The following HECTD2 variants were observed in gnomAD, a reference collection of about 807,000 sequenced individuals.
The protein encoded by HECTD2 is probable E3 ubiquitin-protein ligase HECTD2.
Under a neutral mutation model 103.2 loss-of-function variants are expected in HECTD2, and 35 were observed. The ratio of observed to expected loss-of-function variants is 0.34; its 90% CI spans 0.26 to 0.45. The LOEUF (loss-of-function observed/expected upper bound fraction) is 0.45. HECTD2 is among the 20% of genes least tolerant of loss of function. HECTD2 has a pLI of 1.00. For synonymous variants in HECTD2, 281 were observed against 329.9 expected (o/e 0.85, Z 1.61); for missense variants, 596 against 937.4 (o/e 0.64, Z 4.76).
intron 3 of HECTD2, 126 bp from the exon 4 acceptor site, chr10:91,461,128 C>A: frequency 4.0e-6 from 2 of 499,814 alleles, no homozygotes; most frequent in Non-Finnish European, 7.1e-6. Flanking sequence ...ACTATATTAA[C>A]TGGGACATAT....
At chr10:91,498,222 T>G in intron 16 of HECTD2, 40 bp downstream of exon 16, 53 of 1,307,058 alleles carry the variant, frequency 4.1e-5, no homozygotes, top group Non-Finnish European at 5.0e-5. Flanking sequence ...AATCATATAT[T>G]TCATATATGA....
chr10:91,427,728 A>T (rs1843631105), intron 2 of HECTD2, among the ~76,000 whole-genome samples: 1 of 151,842 alleles, frequency 6.6e-6, no homozygotes, highest in Non-Finnish European at 1.5e-5. Context: ...GTTTGAGTTC[A>T]TTGTAGATTC....
intron 20 of HECTD2, among the ~76,000 whole-genome samples, chr10:91,501,580 G>C (rs989954180): frequency 6.6e-6 from 1 of 152,014 alleles, no homozygotes; most frequent in Non-Finnish European, 1.5e-5. Flanking sequence ...TAAGTGCTTT[G>C]TAGACTCTTT....
chr10:91,453,998 T>C (rs1160748788), intron 2 of HECTD2, among the ~76,000 whole-genome samples: 1 of 152,062 alleles, frequency 6.6e-6, no homozygotes, highest in Non-Finnish European at 1.5e-5. Context: ...ATCACAAGTG[T>C]GTACGCACCA....
At chr10:91,454,677 G>A (rs1004072029) in intron 2 of HECTD2, among the ~76,000 whole-genome samples, 5 of 151,756 alleles carry the variant, frequency 3.3e-5, no homozygotes, top group South Asian at 4.2e-4. Flanking sequence ...CCATTAACTC[G>A]TCATTTACAT....
intron 1 of HECTD2, among the ~76,000 whole-genome samples, chr10:91,414,485 G>T (rs1039377777): frequency 6.6e-6 from 1 of 152,148 alleles, no homozygotes; most frequent in African/African-American, 2.4e-5. Context: ...TACAAAAAAT[G>T]CAAAAAGACA....
At chr10:91,433,949 T>C (rs1448011270) in intron 2 of HECTD2, among the ~76,000 whole-genome samples, 2 of 152,046 alleles carry the variant, frequency 1.3e-5, no homozygotes, top group African/African-American at 2.4e-5. Flanking sequence ...TTAAGACATC[T>C]GTTTCACTAA....
rs1847466076 is a variant in HECTD2, at chr10:91,512,599, A to G, written c.*215A>G. On this transcript the variant is annotated 3_prime_UTR_variant, in exon 21 of 21. Coordinates refer to ENST00000298068, the MANE Select transcript of HECTD2 (RefSeq NM_182765.6). ...ATCGCTTGAGTGAGGAAAAGTCCACATGGCAGAGACAGGTATGGTCCAGTT... is the reference window on the plus strand; with the variant it reads ...ATCGCTTGAGTGAGGAAAAGTCCACGTGGCAGAGACAGGTATGGTCCAGTT... 8.0e-6 allele frequency: 4 copies of G among 497,626 alleles called. No individual in the cohort carries two copies. The highest frequency in any genetic ancestry group is 1.4e-5 in the Non-Finnish European group (4 of 279,444). 30.8% of individuals were successfully genotyped at this position (497,626 alleles called of 1,614,324 possible).
At chr10:91,479,906 C>A (rs965810444) in intron 6 of HECTD2, among the ~76,000 whole-genome samples, 8 of 152,030 alleles carry the variant, frequency 5.3e-5, no homozygotes, top group Admixed American at 3.9e-4. Flanking sequence ...AACATTTTAT[C>A]ATTTGTTGCT....
At chr10:91,491,404 A>G (rs774926911) in intron 12 of HECTD2, 97 bp downstream of exon 12, 26 of 583,930 alleles carry the variant, frequency 4.5e-5, no homozygotes, top group East Asian at 1.0e-4. Flanking sequence ...CTGTATGCCA[A>G]TAAGTGTGCT....
chr10:91,425,732 C>T (rs1170741724), intron 2 of HECTD2, among the ~76,000 whole-genome samples: 18 of 150,690 alleles, frequency 1.2e-4, no homozygotes. Context: ...CATATTTGAG[C>T]AATAATCAAT....
At position 91,473,722 on chromosome 10, in the gene HECTD2, C is replaced by T. The variant is rs529756800; in HGVS notation, c.601-4479C>T. On this transcript the variant is annotated intron_variant, in intron 5 of 20. Transcript: ENST00000298068. ...TTAATAAACAGTAGATATATTTTCTCGTGATTTTCTTAATAACATTATCTT... is the reference window on the plus strand; with the variant it reads ...TTAATAAACAGTAGATATATTTTCTTGTGATTTTCTTAATAACATTATCTT... Among the ~76,000 whole-genome samples, 31 of 152,210 alleles carry T rather than the reference C, an allele frequency of 2.0e-4. No homozygotes were observed. In the East Asian group the frequency reaches 3.7e-3, roughly 18 times the overall value.
Position 91,512,556 on chromosome 10 carries a change from C to A in HECTD2, c.*172C>A. 1 of 593,638 alleles carries A rather than the reference C, an allele frequency of 1.7e-6. No individual in the cohort carries two copies. Among genetic ancestry groups the A allele is most frequent in the Non-Finnish European group, 2.8e-6 (1 of 354,854 alleles). 36.8% of individuals were successfully genotyped at this position (593,638 alleles called of 1,614,324 possible). On this transcript the variant is annotated 3_prime_UTR_variant, in exon 21 of 21. Coordinates refer to ENST00000298068, the MANE Select transcript of HECTD2 (RefSeq NM_182765.6). The stretch of plus-strand genomic sequence containing the variant: ...GTATGTTCAGCAAAGGCATAATTTT[C>A]TAAAAACACACACAGAAATCGCTTG...
intron 2 of HECTD2, among the ~76,000 whole-genome samples, chr10:91,430,843 T>C (rs1052982932): frequency 3.3e-5 from 5 of 151,676 alleles, no homozygotes; most frequent in Non-Finnish European, 7.4e-5. Context: ...AGTTTGCCAG[T>C]CTGTGTGTTT....
At chr10:91,428,901 C>A (rs1843703274) in intron 2 of HECTD2, among the ~76,000 whole-genome samples, 1 of 151,898 alleles carries the variant, frequency 6.6e-6, no homozygotes, top group South Asian at 2.1e-4. Context: ...CTGGCCAGAA[C>A]TTCCAACACT....
chr10:91,510,249 T>C (rs1448186873), intron 20 of HECTD2, among the ~76,000 whole-genome samples: 2 of 152,224 alleles, frequency 1.3e-5, no homozygotes, highest in East Asian at 1.9e-4. Context: ...CCTGATTCTT[T>C]AGTACAGAGT....
chr10:91,443,575 G>A (rs575622839), intron 2 of HECTD2, among the ~76,000 whole-genome samples: 4 of 152,190 alleles, frequency 2.6e-5, no homozygotes, highest in East Asian at 1.9e-4. Context: ...CCCACTTGAG[G>A]AGGCAGTCTG....
chr10:91,489,719 C>T (rs1378629155), intron 11 of HECTD2: 1 of 152,114 alleles, frequency 6.6e-6, no homozygotes, highest in Non-Finnish European at 1.5e-5. Flanking sequence ...AGTGAGGACA[C>T]AGAAATAAAA....
In HECTD2 at chr10:91,492,450, T is replaced by G; in HGVS notation, c.1398T>G (p.Leu466=). 6.2e-7 allele frequency: 1 copy of G among 1,612,590 alleles called. No homozygotes were observed. Among genetic ancestry groups the G allele is most frequent in the Non-Finnish European group, 8.5e-7 (1 of 1,178,820 alleles). Residue 466 remains leucine, a synonymous_variant, in exon 13 of 21, where the codon CTT becomes CTG. Transcript: ENST00000298068. ...GTGGTTTGACTAAAGAATGGTTCCT[T>G]CTTCTAATTCGCCAAATTTTTCATC... ...DMGGLTKEWF[L]LLIRQIFHPD...
Sources: gnomAD v4.1 joint callset for allele counts (sites outside exome capture counted in the v4.1 genomes callset) on GRCh38, gnomAD v4.1.1 for gene constraint, MANE v1.5 for transcripts, NCBI Gene and HGNC (gene_info 2026-07-23, HGNC 2026-07-21) for gene names.